The following PTPRK variants were observed in gnomAD, a reference collection of about 807,000 sequenced individuals.
The protein encoded by PTPRK is protein tyrosine phosphatase receptor type K, also known as receptor-type tyrosine-protein phosphatase kappa.
PTPRK carries 75 observed loss-of-function variants against 178.0 expected under a neutral mutation model. The ratio of observed to expected loss-of-function variants is 0.42; its 90% CI spans 0.35 to 0.51. The LOEUF (loss-of-function observed/expected upper bound fraction) is 0.51. Among genes scored for constraint, PTPRK ranks in the 20% least tolerant of loss-of-function variants. The pLI is 0.02. For synonymous variants in PTPRK, 637 were observed against 620.6 expected (o/e 1.03, Z -0.39); for missense variants, 1,441 against 1,797.8 (o/e 0.80, Z 3.59).
At chr6:128,199,931 C>T (rs1805609203) in intron 6 of PTPRK, among the ~76,000 whole-genome samples, 1 of 152,138 alleles carries the variant, frequency 6.6e-6, no homozygotes, top group Non-Finnish European at 1.5e-5. Flanking sequence ...AATGCTTCTG[C>T]CTATGAGATG....
intron 7 of PTPRK, among the ~76,000 whole-genome samples, chr6:128,182,726 G>A (rs1209467959): frequency 6.6e-6 from 1 of 152,052 alleles, no homozygotes; most frequent in Non-Finnish European, 1.5e-5. Flanking sequence ...TCAATATTCA[G>A]TAACATGTTT....
intron 7 of PTPRK, among the ~76,000 whole-genome samples, chr6:128,135,270 A>G (rs1380717130): frequency 2.0e-5 from 3 of 152,054 alleles, no homozygotes; most frequent in Non-Finnish European, 4.4e-5. Context: ...CACTCTCACT[A>G]TTCCTTGAAC....
chr6:128,397,521 T>C (rs763176700), intron 2 of PTPRK, 45 bp downstream of exon 2: 2 of 1,604,182 alleles, frequency 1.2e-6, no homozygotes, highest in Non-Finnish European at 1.7e-6. Context: ...TCATAGATAC[T>C]GCAAAACTAT....
At chr6:128,458,428 TAACTC>T (rs1198879898) in intron 1 of PTPRK, among the ~76,000 whole-genome samples, 1 of 152,198 alleles carries the variant, frequency 6.6e-6, no homozygotes, top group Non-Finnish European at 1.5e-5. Context: ...ATATGGAAGA[TAACTC>T]TACACTAAAA....
rs564375261 is a variant in PTPRK, at chr6:128,033,904, C to G, written c.2195-24636G>C. Among the ~76,000 whole-genome samples the G allele has an allele frequency of 3.9e-5, 6 of 152,084 alleles. No homozygotes were observed. In the South Asian group the frequency reaches 1.2e-3, roughly 32 times the overall value. On this transcript the variant is annotated intron_variant, in intron 13 of 29. Coordinates refer to ENST00000368226, the MANE Select transcript of PTPRK (RefSeq NM_002844.4). ...AGTAGGGGATAAAAGATGAATTTCACAAGTCAGGAATAGTTCAGTACACAA... is the reference window on the plus strand; with the variant it reads ...AGTAGGGGATAAAAGATGAATTTCAGAAGTCAGGAATAGTTCAGTACACAA...
At chr6:128,478,463 A>G (rs1851649180) in intron 1 of PTPRK, among the ~76,000 whole-genome samples, 1 of 152,082 alleles carries the variant, frequency 6.6e-6, no homozygotes, top group Non-Finnish European at 1.5e-5. Flanking sequence ...AGAGTGCAAT[A>G]CAGATATTCA....
At chr6:127,976,523 T>C (rs1057394926) in intron 27 of PTPRK, 134 bp downstream of exon 27, 1 of 1,098,622 alleles carries the variant, frequency 9.1e-7, no homozygotes, top group African/African-American at 1.6e-5. Flanking sequence ...AGGCATAAGA[T>C]GGTTACTAGC....
intron 13 of PTPRK, among the ~76,000 whole-genome samples, chr6:128,023,670 T>G (rs1317704337): frequency 2.0e-5 from 3 of 152,134 alleles, no homozygotes; most frequent in Non-Finnish European, 4.4e-5. Flanking sequence ...TTTTATTTTT[T>G]TGAGACAGGG....
intron 12 of PTPRK, among the ~76,000 whole-genome samples, chr6:128,065,806 C>T (rs1781653966): frequency 6.6e-6 from 1 of 152,190 alleles, no homozygotes; most frequent in Admixed American, 6.5e-5. Flanking sequence ...TTTCACATTC[C>T]CATAAAGGCC....
chr6:128,094,285 T>G (rs1183412263), intron 7 of PTPRK, among the ~76,000 whole-genome samples: 2 of 152,144 alleles, frequency 1.3e-5, no homozygotes, highest in Non-Finnish European at 2.9e-5. Context: ...AAGATTAATT[T>G]GGAGGCTGTG....
chr6:128,515,537 A>G (rs1857862971), intron 1 of PTPRK, among the ~76,000 whole-genome samples: 1 of 152,230 alleles, frequency 6.6e-6, no homozygotes, highest in African/African-American at 2.4e-5. Context: ...TGAGAAGAAT[A>G]CACAGAGGGA....
chr6:128,443,293 C>T (rs1270388034), intron 1 of PTPRK, among the ~76,000 whole-genome samples: 2 of 151,794 alleles, frequency 1.3e-5, no homozygotes, highest in African/African-American at 4.8e-5. Context: ...TGCCAGGTAC[C>T]TGGAGGAGGG....
intron 13 of PTPRK, among the ~76,000 whole-genome samples, chr6:128,038,271 T>C (rs1776560863): frequency 1.3e-5 from 2 of 152,294 alleles, no homozygotes; most frequent in South Asian, 4.1e-4. Context: ...GACATTTGTC[T>C]TACTGTCATT....
chr6:128,407,633 C>CCAA (rs1237617194), intron 1 of PTPRK, among the ~76,000 whole-genome samples: 2 of 97,794 alleles, frequency 2.0e-5, no homozygotes, highest in Non-Finnish European at 3.9e-5. Flanking sequence ...AAGACCCTAT[C>CCAA]AAAAAAAAAA....
At chr6:128,391,682 A>C (rs1372001232) in intron 2 of PTPRK, among the ~76,000 whole-genome samples, 2 of 152,120 alleles carry the variant, frequency 1.3e-5, no homozygotes, top group African/African-American at 4.8e-5. Context: ...TACTTTTAGT[A>C]ACTGATCACT....
chr6:128,090,386 T>G (rs1249161210), intron 7 of PTPRK, among the ~76,000 whole-genome samples: 1 of 152,214 alleles, frequency 6.6e-6, no homozygotes, highest in East Asian at 1.9e-4. Context: ...TTCTACTCTG[T>G]CATTTATCAT....
intron 5 of PTPRK, among the ~76,000 whole-genome samples, chr6:128,239,127 T>G (rs75405869): frequency 1.7e-5 from 2 of 121,122 alleles, no homozygotes; most frequent in Admixed American, 7.9e-5. Flanking sequence ...CTCATCTTGT[T>G]TTTTTTTTTT....
chr6:127,979,810 G>A (rs1775066770), intron 25 of PTPRK, among the ~76,000 whole-genome samples: 1 of 152,210 alleles, frequency 6.6e-6, no homozygotes, highest in South Asian at 2.1e-4. Context: ...ATAGGAGAAA[G>A]GGCAAAAGCT....
chr6:128,078,029 T>C lies in PTPRK; in HGVS notation c.1883+784A>G, dbSNP rs536420351. ...GCTTCTTATTTTTCAATCATTCATA[T>C]GAAATTATTCATAACTGATTTACTG... On this transcript the variant is annotated intron_variant, in intron 11 of 29. Coordinates refer to ENST00000368226, the MANE Select transcript of PTPRK (RefSeq NM_002844.4). 3.3e-5 allele frequency among the ~76,000 whole-genome samples: 5 copies of C among 152,068 alleles called. No individual in the cohort carries two copies. The South Asian group carries it at 1.0e-3, about 31-fold the overall frequency.
Sources: gnomAD v4.1 joint callset for allele counts (sites outside exome capture counted in the v4.1 genomes callset) on GRCh38, gnomAD v4.1.1 for gene constraint, MANE v1.5 for transcripts, NCBI Gene and HGNC (gene_info 2026-07-23, HGNC 2026-07-21) for gene names.